CCNE1: variants seen among roughly 807,000 people sequenced by gnomAD.
CCNE1 encodes the protein cyclin E1.
CCNE1 carries 8 observed loss-of-function variants against 54.1 expected under a neutral mutation model. The observed-to-expected ratio is 0.15, with a 90% CI of 0.09 to 0.27. The LOEUF (loss-of-function observed/expected upper bound fraction) is 0.27. Among genes scored for constraint, CCNE1 ranks in the 10% least tolerant of loss-of-function variants. The pLI is 1.00. For synonymous variants in CCNE1, 179 were observed against 185.2 expected (o/e 0.97, Z 0.27); for missense variants, 430 against 514.9 (o/e 0.84, Z 1.60).
chr19:29,818,342 A>G (rs1254631234), intron 6 of CCNE1, among the ~76,000 whole-genome samples: 3 of 152,060 alleles, frequency 2.0e-5, no homozygotes, highest in African/African-American at 7.2e-5. Flanking sequence ...TTGTATTTTT[A>G]GAAGAAACGG....
rs780481546 is a variant in CCNE1 at position 29,822,063 on chromosome 19, A to G, written c.773A>G (p.Tyr258Cys). The G allele has an allele frequency of 6.2e-7, 1 of 1,613,766 alleles. No individual in the cohort carries two copies. The highest frequency in any genetic ancestry group is 8.5e-7 in the Non-Finnish European group (1 of 1,179,646). ...SWLNVYMQVA[Y>C]LNDLHEVLLP... ...CTGAATGTATACATGCAGGTTGCATATCTAAATGACTTACATGAAGTGCTA... is the reference window on the plus strand; with the variant it reads ...CTGAATGTATACATGCAGGTTGCATGTCTAAATGACTTACATGAAGTGCTA... The change falls in exon 9 of 12, where the codon TAT becomes TGT. Residue 258 changes from tyrosine (Y) to cysteine (C), a missense_variant. By Grantham distance (194) the Tyr-to-Cys change is radical. Coordinates refer to ENST00000262643, the MANE Select transcript of CCNE1 (RefSeq NM_001238.4).
rs756949232 is a variant in CCNE1 at position 29,820,719 on chromosome 19, A to G, written c.480A>G (p.Lys160=). The G allele has an allele frequency of 6.2e-7, 1 of 1,611,792 alleles. No individual in the cohort carries two copies. The highest frequency in any genetic ancestry group is 8.5e-7 in the Non-Finnish European group (1 of 1,178,572). ...DWLMEVCEVY[K]LHRETFYLAQ... ...GTTTTCAGGTGTGTGAAGTCTATAA[A>G]CTTCACAGGGAGACCTTTTACTTGG... Residue 160 remains lysine, a synonymous_variant, in exon 7 of 12, where the codon AAA becomes AAG. Coordinates refer to ENST00000262643, the MANE Select transcript of CCNE1 (RefSeq NM_001238.4).
chr19:29,814,641 A>G (rs1973968543), intron 4 of CCNE1, among the ~76,000 whole-genome samples: 1 of 152,192 alleles, frequency 6.6e-6, no homozygotes, highest in African/African-American at 2.4e-5. Context: ...ACTTGGGGGT[A>G]CAACAGAACC....
Position 29,820,743 on chromosome 19 carries a change from G to A in CCNE1, c.504G>A (p.Leu168=), listed in dbSNP as rs769630743. 1 of 1,611,274 alleles carries A rather than the reference G, an allele frequency of 6.2e-7. No homozygotes were observed. Among genetic ancestry groups the A allele is most frequent in the East Asian group, 2.2e-5 (1 of 44,834 alleles). Residue 168 remains leucine (L), a synonymous_variant, in exon 7 of 12, where the codon TTG becomes TTA. Coordinates refer to ENST00000262643, the MANE Select transcript of CCNE1 (RefSeq NM_001238.4). ...AACTTCACAGGGAGACCTTTTACTTGGCACAAGATTTCTTTGACCGGTATA... is the reference window on the plus strand; with the variant it reads ...AACTTCACAGGGAGACCTTTTACTTAGCACAAGATTTCTTTGACCGGTATA... ...VYKLHRETFY[L]AQDFFDRYMA...
In CCNE1 at chr19:29,812,989, A is replaced by C. The variant is rs1490679833; in HGVS notation, c.132A>C (p.Glu44Asp). The change falls in exon 4 of 12, where the codon GAA becomes GAC. Residue 44 changes from glutamate to aspartate, a missense_variant. Glu to Asp is a conservative substitution (Grantham distance 45). This residue lies in a region of CCNE1 where 127 missense variants were observed against 113.8 expected (regional missense o/e 1.12). Transcript: ENST00000262643. ...GTTAGTTTTTGCAGGATCCAGATGA[A>C]GAAATGGCCAAAATCGACAGGACGG... ...NVTVFLQDPD[E>D]EMAKIDRTAR... 4.3e-6 allele frequency: 7 copies of C among 1,614,098 alleles called. No homozygotes were observed. The highest frequency in any genetic ancestry group is 5.9e-6 in the Non-Finnish European group (7 of 1,179,998).
intron 4 of CCNE1, among the ~76,000 whole-genome samples, chr19:29,816,463 TA>T (rs1974018066): frequency 6.6e-6 from 1 of 152,218 alleles, no homozygotes; most frequent in Non-Finnish European, 1.5e-5. Context: ...TCAGAGGTCT[TA>T]AGGAGTGTCT....
At chr19:29,820,333 T>C (rs1974119121) in intron 6 of CCNE1, among the ~76,000 whole-genome samples, 1 of 152,290 alleles carries the variant, frequency 6.6e-6, no homozygotes, top group East Asian at 1.9e-4. Flanking sequence ...GGTGGATCAC[T>C]TGAGGCCGGG....
At chr19:29,814,754 A>G (rs1254214961) in intron 4 of CCNE1, among the ~76,000 whole-genome samples, 1 of 152,184 alleles carries the variant, frequency 6.6e-6, no homozygotes. Context: ...ACTCTTGTGT[A>G]ACTGCTTCAT....
At chr19:29,817,068 A>C (rs546304591) in intron 4 of CCNE1, 69 bp from the exon 5 acceptor site, 176 of 1,489,276 alleles carry the variant, frequency 1.2e-4, no homozygotes, top group Admixed American at 1.2e-3. Flanking sequence ...GTGAATTTGT[A>C]ATGTTTTTGG....
chr19:29,821,085 A>T (rs1974135800), intron 7 of CCNE1, among the ~76,000 whole-genome samples: 1 of 152,190 alleles, frequency 6.6e-6, no homozygotes, highest in South Asian at 2.1e-4. Flanking sequence ...GCCAAAAAAA[A>T]AAATGAACTT....
Position 29,821,980 on chromosome 19 carries a change from C to A in CCNE1, c.706-16C>A. 6.2e-7 allele frequency: 1 copy of A among 1,601,634 alleles called. No individual in the cohort carries two copies. Among genetic ancestry groups the A allele is most frequent in the East Asian group, 2.2e-5 (1 of 44,682 alleles). ...TTTCTCAATCATCGGTCTCTTTTCT[C>A]TCTGTTTTCCTTTAGGCCCTTAAGT... On this transcript the variant is annotated splice_polypyrimidine_tract_variant and intron_variant, in intron 8 of 11. Transcript: ENST00000262643.
chr19:29,812,564 G>A lies in CCNE1; in HGVS notation c.9G>A (p.Arg3=), dbSNP rs1344327143. The part of the protein sequence containing the change: MP[R]ERRERDAKER... ...GCCGGAGCAGCCCCATCATGCCGAG[G>A]GAGCGCAGGGAGCGGTGAGTGCCCG... is the stretch of plus-strand genomic sequence containing the variant. The change falls in exon 2 of 12, where the codon AGG becomes AGA. Residue 3 remains arginine, a synonymous_variant. Transcript: ENST00000262643. The A allele has an allele frequency of 1.3e-6, 2 of 1,511,330 alleles. No homozygotes were observed. The highest frequency in any genetic ancestry group is 2.4e-4 in the Middle Eastern group (1 of 4,244). 93.6% of individuals were successfully genotyped at this position (1,511,330 alleles called of 1,614,324 possible).
At chr19:29,819,651 A>G (rs3218054) in intron 6 of CCNE1, among the ~76,000 whole-genome samples, 2,652 of 152,332 alleles carry the variant, frequency 0.017, 55 homozygotes, top group African/African-American at 0.052. Context: ...GTATAACAAC[A>G]TTTGATAGAT....
chr19:29,819,871 G>A (rs1425446322), intron 6 of CCNE1, among the ~76,000 whole-genome samples: 1 of 152,210 alleles, frequency 6.6e-6, no homozygotes, highest in East Asian at 1.9e-4. Flanking sequence ...TGTAACTACA[G>A]AAGTACCCCT....
At chr19:29,820,647 TCCCCTCCC>T in intron 6 of CCNE1, 47 bp from the exon 7 acceptor site, 2 of 1,265,630 alleles carry the variant, frequency 1.6e-6, no homozygotes, top group Admixed American at 4.5e-5. Context: ...TTTTTTTTTT[TCCCCTCCC>T]TCAAGTAAAA....
chr19:29,815,011 CT>C (rs1395985735), intron 4 of CCNE1, among the ~76,000 whole-genome samples: 1 of 152,208 alleles, frequency 6.6e-6, no homozygotes, highest in Non-Finnish European at 1.5e-5. Flanking sequence ...TTATCTCATT[CT>C]TTCCTAAATA....
At chr19:29,820,895 AG>A in intron 7 of CCNE1, 47 bp downstream of exon 7, 1 of 1,437,054 alleles carries the variant, frequency 7.0e-7, no homozygotes, top group Non-Finnish European at 9.7e-7. Flanking sequence ...TTATTTCTCG[AG>A]CTCCACTGAG....
intron 5 of CCNE1, 40 bp downstream of exon 5, chr19:29,817,322 C>T (rs749779505): frequency 4.3e-6 from 7 of 1,613,758 alleles, no homozygotes; most frequent in Non-Finnish European, 5.9e-6. Flanking sequence ...AGGTCTCTTA[C>T]TCCATGCTCC....
intron 4 of CCNE1, among the ~76,000 whole-genome samples, chr19:29,815,161 G>A (rs140592946): frequency 1.3e-5 from 2 of 152,364 alleles, no homozygotes; most frequent in Non-Finnish European, 2.9e-5. Context: ...TTTGGGAACT[G>A]CTGCTGGACT....
Sources: allele counts gnomAD v4.1 joint callset (sites outside exome capture counted in the v4.1 genomes callset), GRCh38; gene constraint gnomAD v4.1.1; regional missense constraint gnomAD v4.1.1; transcripts MANE v1.5; gene names NCBI Gene and HGNC (gene_info 2026-07-23, HGNC 2026-07-21).